Variants in TEX14 observed in about 807,000 individuals in gnomAD.
TEX14 encodes inactive serine/threonine-protein kinase TEX14.
A neutral mutation model predicts 178.6 loss-of-function variants in TEX14; 168 were observed. That is an observed-to-expected ratio of 0.94 (90% confidence interval 0.83 to 1.07). The LOEUF (loss-of-function observed/expected upper bound fraction) is 1.07, where lower values mean the gene tolerates loss of function less well. Among genes scored for constraint, TEX14 ranks in the 50% least tolerant of loss-of-function variants. The pLI, the probability that TEX14 is intolerant of heterozygous loss-of-function variation, is 0.00. For synonymous variants in TEX14, 626 were observed against 634.1 expected, an observed-to-expected ratio of 0.99 and a Z score of 0.19; for missense variants, 1,730 against 1,753.6, an observed-to-expected ratio of 0.99 and a Z score of 0.24.
chr17:58,581,595 G>A, intron 19 of TEX14: 1 of 1,612,696 alleles, frequency 6.2e-7, no homozygotes. Flanking sequence ...ACTTTACCCT[G>A]AACTGCGTTT....
intron 7 of TEX14, 28 bp from the exon 8 acceptor site, chr17:58,615,373 G>A: frequency 7.2e-7 from 1 of 1,398,130 alleles, no homozygotes; most frequent in South Asian, 1.2e-5. Flanking sequence ...AGTTTCAGCA[G>A]AAAGGAGTGA....
chr17:58,561,519 C>G lies in TEX14; in HGVS notation c.4157+1G>C, dbSNP rs1466909398. Reference sequence around the variant, plus strand: ...AGGATTCCCCTTTGGGGAACAATAACCTTTCAGAGCCCTTGGGAAGGTCTT... The same window carrying G: ...AGGATTCCCCTTTGGGGAACAATAAGCTTTCAGAGCCCTTGGGAAGGTCTT... On this transcript the variant is annotated splice_donor_variant, in intron 29 of 31. Transcript: ENST00000349033. LOFTEE classifies it high-confidence loss of function. 6 of 1,608,794 alleles carry G rather than the reference C, an allele frequency of 3.7e-6. No individual in the cohort carries two copies. In the East Asian group the frequency reaches 1.3e-4, roughly 36 times the overall value.
rs1598432610 is a variant in TEX14, at chr17:58,670,771, T to TCAAAAAAAAAAAAAAAAAAAAAAAA, written c.-1-18770_-1-18769insTTTTTTTTTTTTTTTTTTTTTTTTG. Among the ~76,000 whole-genome samples, 7 of 7,956 alleles carry TCAAAAAAAAAAAAAAAAAAAAAAAA rather than the reference T, an allele frequency of 8.8e-4. 3 individuals carry two copies. The highest frequency in any genetic ancestry group is 9.2e-4 in the African/African-American group (2 of 2,180). The allele number at this position is 7,956 out of a possible 152,430, so 5.2% of individuals were successfully genotyped here. Reference sequence around the variant, plus strand: ...CTGGGCGACAGAGTGAGACTCCCTCTTAAAAAAAAAAAAAAAAAAAAAAAA... The same window carrying TCAAAAAAAAAAAAAAAAAAAAAAAA: ...CTGGGCGACAGAGTGAGACTCCCTCTCAAAAAAAAAAAAAAAAAAAAAAAATAAAAAAAAAAAAAAAAAAAAAAAA... On this transcript the variant is annotated intron_variant, in intron 1 of 31. Transcript: ENST00000349033.
intron 16 of TEX14, 43 bp downstream of exon 16, chr17:58,587,853 A>ACCCCCCCCC: frequency 1.7e-6 from 1 of 603,444 alleles, no homozygotes; most frequent in Non-Finnish European, 2.9e-6. Context: ...ACCCACCCCC[A>ACCCCCCCCC]CCCCCGCTCC....
chr17:58,623,083 T>G, intron 3 of TEX14, 71 bp from the exon 4 acceptor site: 1 of 1,425,236 alleles, frequency 7.0e-7, no homozygotes, highest in Admixed American at 2.0e-5. Flanking sequence ...GGGCTCAGCG[T>G]GCAACACAGG....
At chr17:58,604,585 G>C (rs1598378826) in intron 11 of TEX14, among the ~76,000 whole-genome samples, 1 of 150,758 alleles carries the variant, frequency 6.6e-6, no homozygotes, top group Non-Finnish European at 1.5e-5. Flanking sequence ...TTTTGAGACA[G>C]AGTCTCACTC....
chr17:58,624,904 G>A (rs1022581749), intron 3 of TEX14, among the ~76,000 whole-genome samples: 2 of 152,130 alleles, frequency 1.3e-5, no homozygotes, highest in African/African-American at 4.8e-5. Flanking sequence ...CCAGGAATGT[G>A]GTTTGGTTTG....
chr17:58,604,554 T>C (rs2045559127), intron 11 of TEX14, among the ~76,000 whole-genome samples: 1 of 151,684 alleles, frequency 6.6e-6, no homozygotes, highest in Non-Finnish European at 1.5e-5. Flanking sequence ...TGGATGGGCT[T>C]TGCTGAGTCT....
intron 1 of TEX14, among the ~76,000 whole-genome samples, chr17:58,684,929 T>C (rs997293653): frequency 1.3e-5 from 2 of 152,016 alleles, no homozygotes; most frequent in African/African-American, 4.8e-5. Flanking sequence ...CAAGCAGAAA[T>C]CATGCCTAGG....
intron 15 of TEX14, among the ~76,000 whole-genome samples, chr17:58,590,302 C>G (rs1196400740): frequency 2.0e-5 from 3 of 150,238 alleles, no homozygotes; most frequent in Non-Finnish European, 1.5e-5. Flanking sequence ...GATTGCGCCA[C>G]TGCAAGGAAG....
At chr17:58,626,100 G>A (rs913932292) in intron 3 of TEX14, among the ~76,000 whole-genome samples, 1 of 152,012 alleles carries the variant, frequency 6.6e-6, no homozygotes, top group Non-Finnish European at 1.5e-5. Context: ...TTGGAAATTC[G>A]GAAGATCTGG....
rs772126371 is a variant in TEX14, at chr17:58,622,898, A to T, written c.366T>A (p.Gly122=). The T allele has an allele frequency of 4.4e-5, 71 of 1,610,540 alleles. No individual in the cohort carries two copies. The highest frequency in any genetic ancestry group is 5.8e-5 in the Non-Finnish European group (68 of 1,178,600). ...TCAAAGCCCAAGTCTTCGGGTTTTG[A>T]CCCCTCTCATCGTGGAGTCGCAGGT... ...GGDLRLHDER[G]QNPKTWALTA... Residue 122 remains glycine, a synonymous_variant, in exon 4 of 32, where the codon GGT becomes GGA. Coordinates refer to ENST00000349033, the MANE Select transcript of TEX14 (RefSeq NM_031272.5).
At chr17:58,625,732 G>A (rs144191800) in intron 3 of TEX14, among the ~76,000 whole-genome samples, 1 of 152,168 alleles carries the variant, frequency 6.6e-6, no homozygotes, top group Admixed American at 6.6e-5. Flanking sequence ...ACATTTGGGA[G>A]CTTTCATTTA....
rs546543644 is a variant in TEX14, at chr17:58,641,818, T to C, written c.136+10048A>G. On this transcript the variant is annotated intron_variant, in intron 2 of 31. Coordinates refer to ENST00000349033, the MANE Select transcript of TEX14 (RefSeq NM_031272.5). ...CCACTGCGCCCAGCCAAGTGATAGA[T>C]GTTTTAATCCATTATCTCATTTAAT... Among the ~76,000 whole-genome samples, 37 of 152,298 alleles carry C rather than the reference T, an allele frequency of 2.4e-4. 2 individuals carry two copies. In the South Asian group the frequency reaches 7.7e-3, roughly 32 times the overall value.
intron 9 of TEX14, 106 bp downstream of exon 9, chr17:58,613,315 A>C: frequency 7.3e-7 from 1 of 1,375,636 alleles, no homozygotes; most frequent in Non-Finnish European, 1.0e-6. Flanking sequence ...AAAGATATTT[A>C]TCTTCCATGC....
intron 2 of TEX14, among the ~76,000 whole-genome samples, chr17:58,632,159 G>C (rs537491199): frequency 6.6e-6 from 1 of 152,348 alleles, no homozygotes; most frequent in Non-Finnish European, 1.5e-5. Context: ...CAGGGAAACT[G>C]CCCGGTTTGG....
At chr17:58,647,486 C>G (rs781762878) in intron 2 of TEX14, among the ~76,000 whole-genome samples, 37 of 150,680 alleles carry the variant, frequency 2.5e-4, no homozygotes, top group Non-Finnish European at 1.6e-4. Context: ...GAGCTGAGAT[C>G]GCGTCACTGC....
At chr17:58,622,408 T>C (rs1042646191) in intron 4 of TEX14, among the ~76,000 whole-genome samples, 1 of 150,122 alleles carries the variant, frequency 6.7e-6, no homozygotes, top group Admixed American at 6.7e-5. Flanking sequence ...CTCGCGCCAC[T>C]GCACTCCAGC....
At chr17:58,579,581 C>A (rs1377095791) in intron 20 of TEX14, 84 bp downstream of exon 20, 14 of 1,152,886 alleles carry the variant, frequency 1.2e-5, no homozygotes, top group Non-Finnish European at 1.8e-5. Context: ...CCCTCAGGAT[C>A]CCCCCAGCTC....
Sources: gnomAD v4.1 joint callset for allele counts (sites outside exome capture counted in the v4.1 genomes callset) on GRCh38, gnomAD v4.1.1 for gene constraint, MANE v1.5 for transcripts, NCBI Gene and HGNC (gene_info 2026-07-23, HGNC 2026-07-21) for gene names.